Variants in SYT16 observed in about 807,000 individuals in gnomAD.
SYT16 encodes the protein synaptotagmin-16.
A neutral mutation model predicts 61.4 loss-of-function variants in SYT16; 42 were observed. The ratio of observed to expected loss-of-function variants is 0.68; its 90% confidence interval spans 0.53 to 0.89. The LOEUF (loss-of-function observed/expected upper bound fraction) is 0.89. Among genes scored for constraint, SYT16 ranks in the 40% least tolerant of loss-of-function variants. SYT16 has a pLI of 0.00. For synonymous variants in SYT16, 314 were observed against 302.3 expected (o/e 1.04, Z -0.40); for missense variants, 804 against 807.3 (o/e 1.00, Z 0.05).
chr14:61,860,538 G>A (rs2046930699), intron 1 of SYT16, among the ~76,000 whole-genome samples: 1 of 152,182 alleles, frequency 6.6e-6, no homozygotes, highest in South Asian at 2.1e-4. Context: ...TACAGAAAGT[G>A]AGAGCAAGCT....
chr14:61,842,228 TA>T (rs2046319864), intron 1 of SYT16, among the ~76,000 whole-genome samples: 1 of 152,202 alleles, frequency 6.6e-6, no homozygotes, highest in Non-Finnish European at 1.5e-5. Flanking sequence ...CAATTATTAT[TA>T]ACTGTAGTTA....
chr14:61,904,155 C>G (rs1279448282), intron 1 of SYT16, among the ~76,000 whole-genome samples: 2 of 152,212 alleles, frequency 1.3e-5, no homozygotes, highest in Non-Finnish European at 2.9e-5. Context: ...CTGGAACTAT[C>G]CATCCTTGGC....
chr14:61,985,202 A>G (rs1461728810), intron 2 of SYT16, among the ~76,000 whole-genome samples: 1 of 152,198 alleles, frequency 6.6e-6, no homozygotes, highest in Non-Finnish European at 1.5e-5. Context: ...AGCAATAGTC[A>G]CTTCAGTAAT....
At chr14:61,956,925 T>C (rs987683959) in intron 1 of SYT16, among the ~76,000 whole-genome samples, 2 of 151,962 alleles carry the variant, frequency 1.3e-5, no homozygotes, top group Admixed American at 1.3e-4. Context: ...ACAATATTTA[T>C]TATTCCAATT....
Position 62,106,807 on chromosome 14 carries a change from T to A in SYT16, c.*6100T>A, listed in dbSNP as rs138046108. On this transcript the variant is annotated 3_prime_UTR_variant, in exon 8 of 8. Transcript: ENST00000683842. ...GACACACAGACAATAATCACCTTAT[T>A]TATATCCACTGTGGAACCTGTGAAA... The A allele has an allele frequency of 1.3e-3, 203 of 152,262 alleles. No individual in the cohort carries two copies. Among genetic ancestry groups the A allele is most frequent in the African/African-American group, 4.7e-3 (195 of 41,556 alleles). 9.4% of individuals were successfully genotyped at this position (152,262 alleles called of 1,614,324 possible).
chr14:61,882,170 A>G (rs2047724101), intron 1 of SYT16, among the ~76,000 whole-genome samples: 1 of 152,220 alleles, frequency 6.6e-6, no homozygotes, highest in Non-Finnish European at 1.5e-5. Context: ...TATGGCAGAC[A>G]TTGTGCCATA....
At chr14:61,950,346 G>C (rs577921131) in intron 1 of SYT16, among the ~76,000 whole-genome samples, 1 of 152,270 alleles carries the variant, frequency 6.6e-6, no homozygotes, top group South Asian at 2.1e-4. Flanking sequence ...TGGGCCTGTA[G>C]TAGTTGTGTT....
At chr14:61,896,784 A>G (rs1474112622) in intron 1 of SYT16, among the ~76,000 whole-genome samples, 1 of 152,220 alleles carries the variant, frequency 6.6e-6, no homozygotes, top group Non-Finnish European at 1.5e-5. Context: ...TGCACTTTAG[A>G]TGCTCATCTT....
At chr14:61,901,613 A>G (rs185930561) in intron 1 of SYT16, among the ~76,000 whole-genome samples, 1 of 152,140 alleles carries the variant, frequency 6.6e-6, no homozygotes, top group Non-Finnish European at 1.5e-5. Flanking sequence ...ATCCCCATGC[A>G]TTAGTTGAGC....
intron 7 of SYT16, among the ~76,000 whole-genome samples, chr14:62,093,835 C>T (rs951367998): frequency 1.3e-5 from 2 of 152,080 alleles, no homozygotes; most frequent in African/African-American, 4.8e-5. Context: ...TTAATATAGA[C>T]TAGGCTGTGA....
intron 2 of SYT16, among the ~76,000 whole-genome samples, chr14:61,994,052 G>A (rs1334885911): frequency 2.0e-5 from 3 of 152,142 alleles, no homozygotes; most frequent in Non-Finnish European, 4.4e-5. Context: ...AGCATATGAA[G>A]CGAACTAGGT....
intron 3 of SYT16, among the ~76,000 whole-genome samples, chr14:62,067,765 G>A (rs2056120935): frequency 6.6e-6 from 1 of 152,084 alleles, no homozygotes; most frequent in Non-Finnish European, 1.5e-5. Flanking sequence ...CACTTTGGGA[G>A]GCCCTGACCA....
At chr14:62,011,159 A>T (rs2053431792) in intron 3 of SYT16, among the ~76,000 whole-genome samples, 1 of 152,202 alleles carries the variant, frequency 6.6e-6, no homozygotes, top group Non-Finnish European at 1.5e-5. Flanking sequence ...GCAAAGATAA[A>T]GGTGTGAGCT....
At chr14:61,987,421 C>G (rs1303819454) in intron 2 of SYT16, among the ~76,000 whole-genome samples, 1 of 152,104 alleles carries the variant, frequency 6.6e-6, no homozygotes, top group Non-Finnish European at 1.5e-5. Flanking sequence ...TCATGAAGTT[C>G]ATTTTGTGGA....
At chr14:61,833,927 T>C (rs2046033348) in intron 1 of SYT16, among the ~76,000 whole-genome samples, 1 of 150,748 alleles carries the variant, frequency 6.6e-6, no homozygotes, top group Non-Finnish European at 1.5e-5. Context: ...AGCCTCTAAG[T>C]CTGAAACTAA....
At chr14:61,818,793 G>A (rs1221037566) in intron 1 of SYT16, among the ~76,000 whole-genome samples, 1 of 152,074 alleles carries the variant, frequency 6.6e-6, no homozygotes, top group Non-Finnish European at 1.5e-5. Flanking sequence ...AGTTTGAAAA[G>A]CTGACTAAGC....
In SYT16 at chr14:61,887,414, A is replaced by G. The variant is rs140540366; in HGVS notation, c.-325+74604A>G. On this transcript the variant is annotated intron_variant, in intron 1 of 7. Transcript: ENST00000683842. ...TGGCTTCAATTTAGTCACCAGCTAC[A>G]TTAGGACCAACCAAGAGAGTCAGCA... Among the ~76,000 whole-genome samples the G allele has an allele frequency of 4.3e-3, 659 of 152,344 alleles. 2 individuals carry two copies. The highest frequency in any genetic ancestry group is 6.8e-3 in the Non-Finnish European group (462 of 68,024).
intron 5 of SYT16, among the ~76,000 whole-genome samples, chr14:62,078,078 G>A (rs970112532): frequency 6.7e-6 from 1 of 148,366 alleles, no homozygotes; most frequent in Non-Finnish European, 1.5e-5. Flanking sequence ...CCCACCTTCC[G>A]TCTTCTCCCC....
intron 1 of SYT16, among the ~76,000 whole-genome samples, chr14:61,878,121 G>A (rs188636116): frequency 6.6e-6 from 1 of 152,110 alleles, no homozygotes; most frequent in Non-Finnish European, 1.5e-5. Flanking sequence ...ATTACAGTAC[G>A]CAGAGGCAAA....
Sources: allele counts gnomAD v4.1 joint callset (sites outside exome capture counted in the v4.1 genomes callset), GRCh38; gene constraint gnomAD v4.1.1; transcripts MANE v1.5; gene names NCBI Gene and HGNC (gene_info 2026-07-23, HGNC 2026-07-21).